Variants in MTUS2 observed in about 807,000 individuals in gnomAD.
The protein encoded by MTUS2 is microtubule-associated tumor suppressor candidate 2.
MTUS2 carries 40 observed loss-of-function variants against 114.1 expected under a neutral mutation model. The ratio of observed to expected loss-of-function variants is 0.35; its 90% confidence interval spans 0.27 to 0.46. The LOEUF (loss-of-function observed/expected upper bound fraction) is 0.46, where lower values mean the gene tolerates loss of function less well. MTUS2 is among the 20% of genes least tolerant of loss of function. MTUS2 has a pLI of 1.00. For synonymous variants in MTUS2, 688 were observed against 672.0 expected (o/e 1.02, Z -0.37); for missense variants, 1,679 against 1,705.4 (o/e 0.98, Z 0.27).
At chr13:29,207,963 C>G (rs1895261796) in intron 5 of MTUS2, among the ~76,000 whole-genome samples, 1 of 152,078 alleles carries the variant, frequency 6.6e-6, no homozygotes, top group Admixed American at 6.6e-5. Flanking sequence ...GGAGGATTCC[C>G]TCTTTTTCTG....
intron 10 of MTUS2, among the ~76,000 whole-genome samples, chr13:29,483,592 G>A (rs571860138): frequency 5.9e-5 from 9 of 152,200 alleles, no homozygotes; most frequent in South Asian, 2.1e-4. Context: ...GCCCAGAACC[G>A]CAAGCATCAC....
In MTUS2 at chr13:29,359,428, C is replaced by G. The variant is rs780801219; in HGVS notation, c.3072C>G (p.Cys1024Trp). 17 of 1,613,162 alleles carry G rather than the reference C, an allele frequency of 1.1e-5. No individual in the cohort carries two copies. The highest frequency in any genetic ancestry group is 1.4e-5 in the Non-Finnish European group (17 of 1,179,686). Residue 1024 changes from cysteine (C) to tryptophan (W), a missense_variant, in exon 8 of 16, where the codon TGC becomes TGG. Cys to Trp is a radical substitution (Grantham distance 215). This residue lies in a region of MTUS2 where 822 missense variants were observed against 899.7 expected (regional missense o/e 0.91). Transcript: ENST00000612955. ...VAQGELKRAICGFDALAVATQ... is the reference protein window; with the variant it reads ...VAQGELKRAIWGFDALAVATQ... ...AAGGGGAGCTGAAGAGGGCCATCTG[C>G]GGCTTTGATGCCCTCGCCGTGGCCA...
chr13:29,309,716 C>G (rs1899661719), intron 6 of MTUS2, among the ~76,000 whole-genome samples: 1 of 152,046 alleles, frequency 6.6e-6, no homozygotes, highest in South Asian at 2.1e-4. Flanking sequence ...AATAATATTG[C>G]TAAGAAATAC....
At chr13:28,970,137 A>G (rs1883786104) in intron 2 of MTUS2, among the ~76,000 whole-genome samples, 1 of 152,266 alleles carries the variant, frequency 6.6e-6, no homozygotes, top group South Asian at 2.1e-4. Context: ...AAAGAACACT[A>G]GAAGTTTAAT....
chr13:29,344,151 A>G (rs1868427838), intron 7 of MTUS2, among the ~76,000 whole-genome samples: 1 of 152,100 alleles, frequency 6.6e-6, no homozygotes, highest in Non-Finnish European at 1.5e-5. Flanking sequence ...TTCTGTAAAT[A>G]TCTGTTAAGT....
At chr13:29,261,273 C>T (rs975663946) in intron 5 of MTUS2, among the ~76,000 whole-genome samples, 8 of 152,152 alleles carry the variant, frequency 5.3e-5, no homozygotes, top group South Asian at 4.1e-4. Flanking sequence ...GAAGCTAAGT[C>T]AAAGGATTCT....
chr13:29,091,590 A>G (rs150312194), intron 4 of MTUS2, among the ~76,000 whole-genome samples: 5 of 152,228 alleles, frequency 3.3e-5, no homozygotes, highest in East Asian at 1.9e-4. Context: ...TTAGTGCTCT[A>G]TAGATCTGGA....
At chr13:28,946,023 A>G (rs1468018913) in intron 2 of MTUS2, among the ~76,000 whole-genome samples, 1 of 152,210 alleles carries the variant, frequency 6.6e-6, no homozygotes, top group Admixed American at 6.5e-5. Flanking sequence ...GCACACAGCT[A>G]TAGATATGTA....
intron 2 of MTUS2, among the ~76,000 whole-genome samples, chr13:29,003,538 A>C (rs953682563): frequency 6.6e-6 from 1 of 152,180 alleles, no homozygotes; most frequent in African/African-American, 2.4e-5. Flanking sequence ...TGGGCCAGCT[A>C]TTTATTCTGC....
intron 5 of MTUS2, among the ~76,000 whole-genome samples, chr13:29,191,483 G>T (rs894827364): frequency 1.3e-5 from 2 of 152,080 alleles, no homozygotes; most frequent in Non-Finnish European, 2.9e-5. Flanking sequence ...GTGGCAACTG[G>T]GTGTGTGCCT....
In MTUS2 at chr13:29,436,551, C is replaced by T. The variant is rs114328377; in HGVS notation, c.3118-3432C>T. Among the ~76,000 whole-genome samples the T allele has an allele frequency of 4.7e-3, 713 of 152,316 alleles. 5 individuals carry two copies. The highest frequency in any genetic ancestry group is 0.017 in the African/African-American group (687 of 41,562). ...GCCAGAGTTAAGTTATTTTCCTTGA[C>T]ATTTGAGTCATCAGGTTTGTTGCTT... On this transcript the variant is annotated intron_variant, in intron 8 of 15. Coordinates refer to ENST00000612955, the MANE Select transcript of MTUS2 (RefSeq NM_001033602.4).
chr13:29,313,398 A>G (rs1051510576), intron 6 of MTUS2, among the ~76,000 whole-genome samples: 3 of 152,232 alleles, frequency 2.0e-5, no homozygotes, highest in Non-Finnish European at 4.4e-5. Flanking sequence ...ACATTTACCA[A>G]GTTAGGGAAG....
chr13:28,828,216 A>C (rs1326049453), intron 1 of MTUS2, among the ~76,000 whole-genome samples: 1 of 152,224 alleles, frequency 6.6e-6, no homozygotes, highest in Non-Finnish European at 1.5e-5. Context: ...AAAGAAGAGA[A>C]ATATGGCTCT....
intron 2 of MTUS2, among the ~76,000 whole-genome samples, chr13:28,970,885 A>G (rs1883824306): frequency 1.3e-5 from 2 of 152,192 alleles, no homozygotes; most frequent in Non-Finnish European, 2.9e-5. Context: ...TCAGGGTTAT[A>G]GGGTCCACCG....
chr13:29,086,934 G>C (rs557605929), intron 4 of MTUS2, among the ~76,000 whole-genome samples: 1 of 152,122 alleles, frequency 6.6e-6, no homozygotes, highest in Admixed American at 6.5e-5. Context: ...TATGGTACTG[G>C]GTTTTATATA....
At chr13:29,288,565 A>T (rs1440682685) in intron 6 of MTUS2, among the ~76,000 whole-genome samples, 1 of 152,132 alleles carries the variant, frequency 6.6e-6, no homozygotes, top group African/African-American at 2.4e-5. Context: ...AAAGGTGAGA[A>T]AAGTAAAGAA....
At chr13:29,151,309 TG>T (rs1892655551) in intron 5 of MTUS2, among the ~76,000 whole-genome samples, 2 of 152,176 alleles carry the variant, frequency 1.3e-5, no homozygotes, top group Admixed American at 6.5e-5. Flanking sequence ...CTATTGTAAG[TG>T]GGATTGTATT....
At position 29,487,988 on chromosome 13, in the gene MTUS2, A is replaced by G. The variant is rs1322933847; in HGVS notation, c.3488A>G (p.His1163Arg). 2 of 1,613,768 alleles carry G rather than the reference A, an allele frequency of 1.2e-6. No homozygotes were observed. Among genetic ancestry groups the G allele is most frequent in the Non-Finnish European group, 1.7e-6 (2 of 1,179,898 alleles). ...GCCATCACAATCCTGCAGGATGACCACGACCACAAAGTCCAAGGTAGCTCC... is the reference window on the plus strand; with the variant it reads ...GCCATCACAATCCTGCAGGATGACCGCGACCACAAAGTCCAAGGTAGCTCC... The part of the protein sequence containing the change: ...TVAITILQDD[H>R]DHKVQELMST... The change falls in exon 11 of 16, where the codon CAC becomes CGC. Residue 1163 changes from histidine (H) to arginine (R), a missense_variant. By Grantham distance (29) the His-to-Arg change is conservative. Transcript: ENST00000612955.
intron 2 of MTUS2, among the ~76,000 whole-genome samples, chr13:28,915,940 C>G (rs1244172850): frequency 2.0e-5 from 3 of 151,698 alleles, no homozygotes; most frequent in Non-Finnish European, 4.4e-5. Context: ...TCTTAGATTT[C>G]TAAGTCTTTA....
Sources: gnomAD v4.1 joint callset for allele counts (sites outside exome capture counted in the v4.1 genomes callset) on GRCh38, gnomAD v4.1.1 for gene constraint, gnomAD v4.1.1 regional missense constraint, MANE v1.5 for transcripts, NCBI Gene and HGNC (gene_info 2026-07-23, HGNC 2026-07-21) for gene names.